Variants in DOCK2 observed in about 807,000 individuals in gnomAD.
DOCK2 encodes the protein dedicator of cytokinesis protein 2.
Under a neutral mutation model 248.9 loss-of-function variants are expected in DOCK2, and 87 were observed. The ratio of observed to expected loss-of-function variants is 0.35; its 90% confidence interval spans 0.29 to 0.42. The LOEUF (loss-of-function observed/expected upper bound fraction) is 0.42. DOCK2 is among the 10% of genes least tolerant of loss of function. The pLI is 1.00. For synonymous variants in DOCK2, 805 were observed against 821.6 expected (o/e 0.98, Z 0.35); for missense variants, 1,747 against 2,300.2 (o/e 0.76, Z 4.92).
At chr5:169,812,773 T>C (rs1418155440) in intron 26 of DOCK2, among the ~76,000 whole-genome samples, 1 of 152,244 alleles carries the variant, frequency 6.6e-6, no homozygotes, top group Non-Finnish European at 1.5e-5. Flanking sequence ...AGGCTGCTTC[T>C]AAAACATCCC....
Position 169,747,379 on chromosome 5 carries a change from G to C in DOCK2, c.2268-17G>C. The C allele has an allele frequency of 1.9e-6, 3 of 1,605,782 alleles. No individual in the cohort carries two copies. Among genetic ancestry groups the C allele is most frequent in the Non-Finnish European group, 1.7e-6 (2 of 1,175,746 alleles). ...GTCTGTTAGCTTGAGAAATGACCCA[G>C]ATGTATCTTGTTTCAGGCTTTATGA... On this transcript the variant is annotated splice_polypyrimidine_tract_variant and intron_variant, in intron 22 of 51. Transcript: ENST00000520908.
At chr5:169,821,945 C>A (rs74880453) in intron 26 of DOCK2, among the ~76,000 whole-genome samples, 23,225 of 151,202 alleles carry the variant, frequency 0.15, 2,104 homozygotes, top group Admixed American at 0.22. Context: ...AAATGGAAAA[C>A]AAAAAAAGGC....
intron 30 of DOCK2, among the ~76,000 whole-genome samples, chr5:170,006,146 T>A (rs1005724442): frequency 1.3e-5 from 2 of 152,108 alleles, no homozygotes; most frequent in Non-Finnish European, 2.9e-5. Context: ...AACTGCTAAG[T>A]CACTGGGATG....
intron 14 of DOCK2, among the ~76,000 whole-genome samples, chr5:169,707,678 G>T (rs1217901713): frequency 6.6e-6 from 1 of 152,142 alleles, no homozygotes; most frequent in Admixed American, 6.6e-5. Flanking sequence ...TTTAAGGCAG[G>T]TGCTCATGTG....
In DOCK2 at chr5:169,674,378, A is replaced by T; in HGVS notation, c.403A>T (p.Thr135Ser). 1 of 1,614,148 alleles carries T rather than the reference A, an allele frequency of 6.2e-7. No individual in the cohort carries two copies. The highest frequency in any genetic ancestry group is 8.5e-7 in the Non-Finnish European group (1 of 1,180,002). Residue 135 changes from threonine (T) to serine (S), a missense_variant, in exon 6 of 52, where the codon ACC becomes TCC. This residue lies in a region of DOCK2 where 375 missense variants were observed against 510.9 expected (regional missense o/e 0.73). Transcript: ENST00000520908. ...GTGGAGGTCCCAGCTTCTCTCAGGA[A>T]CCTTACCCAAGGATGAGCTGAAGGA... Reference protein sequence around the residue: ...MEWRSQLLSGTLPKDELKELK... With the variant: ...MEWRSQLLSGSLPKDELKELK...
intron 25 of DOCK2, among the ~76,000 whole-genome samples, chr5:169,797,861 G>A (rs995954613): frequency 4.6e-5 from 7 of 152,114 alleles, no homozygotes; most frequent in African/African-American, 1.4e-4. Flanking sequence ...GAAGCTTTAC[G>A]ACTAATATAA....
intron 12 of DOCK2, 90 bp from the exon 13 acceptor site, chr5:169,699,924 C>G: frequency 6.4e-7 from 1 of 1,564,424 alleles, no homozygotes; most frequent in East Asian, 2.3e-5. Context: ...CCAGTGATCT[C>G]CAGAAAGACA....
intron 8 of DOCK2, among the ~76,000 whole-genome samples, chr5:169,685,028 C>G (rs1054616292): frequency 3.9e-5 from 6 of 152,212 alleles, no homozygotes; most frequent in Non-Finnish European, 7.3e-5. Flanking sequence ...GGTATAGGCT[C>G]TGAGATCTGT....
Position 169,669,324 on chromosome 5 carries a change from T to A in DOCK2, c.164T>A (p.Leu55Ter). The part of the protein sequence containing the change: ...YRGYLIKHKM[L>*]QGIFPKSFIH... ...GGATACCTCATAAAGCACAAAATGTTACAGGTAAGGTCACCTGGTTTTTAT... is the reference window on the plus strand; with the variant it reads ...GGATACCTCATAAAGCACAAAATGTAACAGGTAAGGTCACCTGGTTTTTAT... Residue 55 changes from leucine (L) to a stop codon, truncating the protein, a stop_gained, in exon 3 of 52, where the codon TTA (leucine) becomes TAA (stop). Coordinates refer to ENST00000520908, the MANE Select transcript of DOCK2 (RefSeq NM_004946.3). LOFTEE classifies it high-confidence loss of function. 6.2e-7 allele frequency: 1 copy of A among 1,614,144 alleles called. No homozygotes were observed. The highest frequency in any genetic ancestry group is 8.5e-7 in the Non-Finnish European group (1 of 1,179,992).
At chr5:170,050,461 C>G in intron 41 of DOCK2, 64 bp downstream of exon 41, 1 of 1,539,782 alleles carries the variant, frequency 6.5e-7, no homozygotes, top group Non-Finnish European at 8.7e-7. Flanking sequence ...GGCTGCAGCC[C>G]ACAAAGACCC....
At chr5:169,838,022 A>G (rs1352909292) in intron 26 of DOCK2, among the ~76,000 whole-genome samples, 3 of 152,172 alleles carry the variant, frequency 2.0e-5, no homozygotes, top group African/African-American at 7.2e-5. Flanking sequence ...AATGAAAACC[A>G]TTATATAAAT....
chr5:169,812,280 A>T (rs895578014), intron 26 of DOCK2, among the ~76,000 whole-genome samples: 2 of 152,194 alleles, frequency 1.3e-5, no homozygotes, highest in Non-Finnish European at 2.9e-5. Flanking sequence ...ACATGAGAGG[A>T]GTCTAGGGTG....
chr5:169,761,995 C>T (rs1764512918), intron 25 of DOCK2, among the ~76,000 whole-genome samples: 1 of 152,112 alleles, frequency 6.6e-6, no homozygotes, highest in South Asian at 2.1e-4. Flanking sequence ...TAAGAATAAA[C>T]TGGAGAGCTT....
chr5:169,953,376 T>C (rs1776745877), intron 27 of DOCK2, among the ~76,000 whole-genome samples: 1 of 150,246 alleles, frequency 6.7e-6, no homozygotes, highest in Non-Finnish European at 1.5e-5. Context: ...GGCTTTAGAA[T>C]AAGACTGGAG....
chr5:169,874,402 C>A, intron 27 of DOCK2, among the ~76,000 whole-genome samples: 1 of 111,430 alleles, frequency 9.0e-6, no homozygotes, highest in South Asian at 3.2e-4. Flanking sequence ...GACAGTGAGA[C>A]TCTGTCTCAA....
intron 27 of DOCK2, among the ~76,000 whole-genome samples, chr5:169,853,578 AACG>A (rs1561765540): frequency 1.3e-5 from 2 of 152,110 alleles, no homozygotes; most frequent in African/African-American, 2.4e-5. Context: ...ATGAAGCAGC[AACG>A]ACAACAACAA....
intron 30 of DOCK2, among the ~76,000 whole-genome samples, chr5:169,998,650 G>A (rs1418365490): frequency 6.6e-6 from 1 of 152,164 alleles, no homozygotes; most frequent in African/African-American, 2.4e-5. Flanking sequence ...GAGATAGCAT[G>A]GTGTCACCGA....
chr5:170,008,404 C>T, intron 30 of DOCK2, 93 bp from the exon 31 acceptor site: 1 of 1,332,680 alleles, frequency 7.5e-7, no homozygotes, highest in Admixed American at 1.8e-5. Context: ...CCTCTGTCTT[C>T]TGCCATCTTC....
intron 27 of DOCK2, among the ~76,000 whole-genome samples, chr5:169,969,539 T>C (rs909573047): frequency 2.0e-5 from 3 of 152,100 alleles, no homozygotes; most frequent in African/African-American, 7.2e-5. Flanking sequence ...TGAAGAGAAG[T>C]TGAGAGCAGG....
Sources: allele counts gnomAD v4.1 joint callset (sites outside exome capture counted in the v4.1 genomes callset), GRCh38; gene constraint gnomAD v4.1.1; regional missense constraint gnomAD v4.1.1; transcripts MANE v1.5; gene names NCBI Gene and HGNC (gene_info 2026-07-23, HGNC 2026-07-21).